GPHN: variants seen among roughly 807,000 people sequenced by gnomAD.
GPHN encodes gephyrin.
A neutral mutation model predicts 95.5 loss-of-function variants in GPHN; 17 were observed. That is an observed-to-expected ratio of 0.18 (90% confidence interval 0.12 to 0.27). The LOEUF is 0.27. Among genes scored for constraint, GPHN ranks in the 10% least tolerant of loss-of-function variants. The pLI, the probability that GPHN is intolerant of heterozygous loss-of-function variation, is 1.00. For missense variants in GPHN, 660 were observed against 978.1 expected (o/e 0.67, Z 4.34); for synonymous variants, 320 against 322.5 (o/e 0.99, Z 0.08).
intron 14 of GPHN, 161 bp downstream of exon 14, chr14:67,110,420 C>T: frequency 1.5e-6 from 1 of 676,160 alleles, no homozygotes; most frequent in Non-Finnish European, 2.6e-6. Context: ...TATGAGTCTC[C>T]AGTAAATAAG....
chr14:66,960,150 T>C (rs896605019), intron 8 of GPHN, among the ~76,000 whole-genome samples: 1 of 151,962 alleles, frequency 6.6e-6, no homozygotes, highest in Admixed American at 6.6e-5. Context: ...TTGCCTTTAG[T>C]TCTTTGTTTA....
At chr14:67,159,669 C>G (rs2081848524) in intron 19 of GPHN, among the ~76,000 whole-genome samples, 181 bp downstream of exon 19, 1 of 152,136 alleles carries the variant, frequency 6.6e-6, no homozygotes, top group South Asian at 2.1e-4. Context: ...ATTCATCTTC[C>G]TTATGAGTCA....
chr14:66,549,587 C>T (rs1187422136), intron 1 of GPHN, among the ~76,000 whole-genome samples: 2 of 152,080 alleles, frequency 1.3e-5, no homozygotes, highest in African/African-American at 4.8e-5. Context: ...GTGATACTTG[C>T]AGCAAATTAT....
chr14:66,702,283 C>T (rs1308239181), intron 2 of GPHN, among the ~76,000 whole-genome samples: 1 of 152,192 alleles, frequency 6.6e-6, no homozygotes, highest in Admixed American at 6.5e-5. Context: ...AGCCCTTCCC[C>T]CAAGGGACAA....
At chr14:66,668,213 A>G (rs2066083638) in intron 1 of GPHN, among the ~76,000 whole-genome samples, 1 of 152,218 alleles carries the variant, frequency 6.6e-6, no homozygotes, top group South Asian at 2.1e-4. Flanking sequence ...CCATTGTGGA[A>G]GACAGTGTGG....
intron 3 of GPHN, among the ~76,000 whole-genome samples, chr14:66,801,830 C>G (rs1471097628): frequency 2.0e-5 from 3 of 151,732 alleles, no homozygotes; most frequent in Non-Finnish European, 2.9e-5. Flanking sequence ...CTCCCTCTCC[C>G]TCCTTGAGCT....
intron 6 of GPHN, 25 bp downstream of exon 6, chr14:66,916,094 G>A (rs1389339964): frequency 1.4e-6 from 2 of 1,468,508 alleles, no homozygotes; most frequent in Non-Finnish European, 9.5e-7. Context: ...CATATTAATG[G>A]TTTAGTGTAA....
the GPHN span, chr14:67,348,772 G>A: frequency 0.058 from 16,983 of 292,746 alleles, 672 homozygotes; most frequent in African/African-American, 0.13. Flanking sequence ...CGCCCACCTC[G>A]GCCTCCCAAA....
chr14:67,642,731 T>C, the GPHN span, among the ~76,000 whole-genome samples: 2 of 152,002 alleles, frequency 1.3e-5, no homozygotes, highest in Admixed American at 6.6e-5. Flanking sequence ...ATGTGCAAGT[T>C]TTTGTTAGCA....
At chr14:67,514,445 C>A in the GPHN span, among the ~76,000 whole-genome samples, 1 of 152,210 alleles carries the variant, frequency 6.6e-6, no homozygotes, top group Non-Finnish European at 1.5e-5. Context: ...AGGTGAAGAG[C>A]TGGCAGCCAG....
chr14:66,825,125 A>ATTT (rs1309645452), intron 4 of GPHN, among the ~76,000 whole-genome samples: 1 of 152,176 alleles, frequency 6.6e-6, no homozygotes, highest in Non-Finnish European at 1.5e-5. Context: ...ACTATTTTAT[A>ATTT]TATAGGAAGA....
At chr14:66,667,997 A>G (rs1330984287) in intron 1 of GPHN, among the ~76,000 whole-genome samples, 1 of 152,248 alleles carries the variant, frequency 6.6e-6, no homozygotes, top group African/African-American at 2.4e-5. Context: ...TTCTCAAAAG[A>G]AGATGTACAT....
chr14:66,570,201 AC>A (rs1767514930), intron 1 of GPHN, among the ~76,000 whole-genome samples: 1 of 151,992 alleles, frequency 6.6e-6, no homozygotes, highest in African/African-American at 2.4e-5. Context: ...CCATTGATGG[AC>A]AATTAGGTTG....
the GPHN span, chr14:67,729,203 C>T: frequency 6.2e-6 from 10 of 1,612,638 alleles, no homozygotes; most frequent in Non-Finnish European, 8.5e-6. Context: ...ACCGGGGTCA[C>T]CACCTACGCA....
chr14:67,615,848 G>C, the GPHN span: 1 of 620,636 alleles, frequency 1.6e-6, no homozygotes, highest in Non-Finnish European at 3.0e-6. Flanking sequence ...CCTGTCCATT[G>C]GTGATTCGGC....
At chr14:67,584,256 T>C in the GPHN span, 2 of 870,668 alleles carry the variant, frequency 2.3e-6, no homozygotes, top group East Asian at 2.6e-5. Context: ...CCACTGTTTC[T>C]GGCCTAGTCC....
At chr14:66,557,892 A>G (rs1302188493) in intron 1 of GPHN, among the ~76,000 whole-genome samples, 1 of 152,196 alleles carries the variant, frequency 6.6e-6, no homozygotes, top group African/African-American at 2.4e-5. Context: ...ATTCTAAATT[A>G]TGATAACCTT....
the GPHN span, among the ~76,000 whole-genome samples, chr14:67,496,537 T>C: frequency 1.3e-5 from 2 of 151,440 alleles, no homozygotes; most frequent in Non-Finnish European, 2.9e-5. Context: ...GAAATTAGTT[T>C]GTGAAGAAAA....
intron 1 of GPHN, among the ~76,000 whole-genome samples, chr14:66,601,760 T>C (rs1297807822): frequency 1.3e-5 from 2 of 151,938 alleles, no homozygotes; most frequent in African/African-American, 4.8e-5. Context: ...TTCCCAATTT[T>C]TTGGGAAAAA....
Sources: gnomAD v4.1 joint callset for allele counts (sites outside exome capture counted in the v4.1 genomes callset) on GRCh38, gnomAD v4.1.1 for gene constraint, MANE v1.5 for transcripts, NCBI Gene and HGNC (gene_info 2026-07-23, HGNC 2026-07-21) for gene names.